Variants in TM2D1 observed in about 807,000 individuals in gnomAD.
The protein encoded by TM2D1 is TM2 domain containing 1, also known as TM2 domain-containing protein 1.
Under a neutral mutation model 28.4 loss-of-function variants are expected in TM2D1, and 15 were observed. The observed-to-expected ratio is 0.53, with a 90% CI of 0.35 to 0.81. The LOEUF (loss-of-function observed/expected upper bound fraction) is 0.81. Among genes scored for constraint, TM2D1 ranks in the 40% least tolerant of loss-of-function variants. The probability of loss-of-function intolerance (pLI) is 0.01; values close to 1 mark genes in which losing one functional copy is unlikely to be tolerated. For missense variants in TM2D1, 236 were observed against 254.9 expected, an observed-to-expected ratio of 0.93 and a Z score of 0.50; for synonymous variants, 93 against 96.2, an observed-to-expected ratio of 0.97 and a Z score of 0.20.
chr1:61,691,939 ATATATATATATATATATATATG>A (rs1557527342), intron 5 of TM2D1, among the ~76,000 whole-genome samples: 1 of 96,054 alleles, frequency 1.0e-5, no homozygotes, highest in African/African-American at 4.3e-5. Context: ...AAAAATATAT[ATATATATATATATATATATATG>A]TATATATATA....
In TM2D1 at chr1:61,709,384, T is replaced by C. The variant is rs1644461789; in HGVS notation, c.292A>G (p.Thr98Ala). 1.2e-6 allele frequency: 2 copies of C among 1,613,288 alleles called. No individual in the cohort carries two copies. Among genetic ancestry groups the C allele is most frequent in the Non-Finnish European group, 1.7e-6 (2 of 1,179,562 alleles). Residue 98 changes from threonine to alanine, a missense_variant, in exon 3 of 7, where the codon ACA becomes GCA. Physicochemically the swap from Thr to Ala is moderately conservative, Grantham distance 58. Transcript: ENST00000606498. ...ITCKDSSGNE[T>A]HFTGNEVGFF... is the part of the protein sequence containing the mutation. Reference sequence around the variant, plus strand: ...CCAACTTCGTTCCCAGTAAAATGTGTTTCATTGCCACTGGAATCCTTACAA... The same window carrying C: ...CCAACTTCGTTCCCAGTAAAATGTGCTTCATTGCCACTGGAATCCTTACAA...
chr1:61,690,235 T>C (rs1432374073), intron 5 of TM2D1, among the ~76,000 whole-genome samples: 1 of 151,866 alleles, frequency 6.6e-6, no homozygotes, highest in Non-Finnish European at 1.5e-5. Context: ...GGTGGGTGGA[T>C]CATTTGAGGT....
At chr1:61,712,701 G>A (rs1327760213) in intron 2 of TM2D1, among the ~76,000 whole-genome samples, 5 of 151,890 alleles carry the variant, frequency 3.3e-5, no homozygotes, top group African/African-American at 4.8e-5. Context: ...GTGAGCCACC[G>A]TACCCAGCCT....
intron 2 of TM2D1, among the ~76,000 whole-genome samples, chr1:61,713,877 A>G (rs1226637129): frequency 6.7e-6 from 1 of 149,624 alleles, no homozygotes. Context: ...TTAAAAACCA[A>G]ATATTTCTTT....
rs376110511 is a variant in TM2D1 at position 61,700,919 on chromosome 1, A to G, written c.439+15T>C. 201 of 1,583,482 alleles carry G rather than the reference A, an allele frequency of 1.3e-4. No individual in the cohort carries two copies. Among genetic ancestry groups the G allele is most frequent in the Admixed American group, 2.8e-4 (15 of 53,230 alleles). ...TAGGTTTCATAAGGATTTTTTTTTAATGAAACATACGCACCCAAAGCAGGG... is the reference window on the plus strand; with the variant it reads ...TAGGTTTCATAAGGATTTTTTTTTAGTGAAACATACGCACCCAAAGCAGGG... On this transcript the variant is annotated intron_variant, in intron 4 of 6. Transcript: ENST00000606498.
At chr1:61,691,932 A>AATATATATAT (rs1163953838) in intron 5 of TM2D1, among the ~76,000 whole-genome samples, 6 of 76,356 alleles carry the variant, frequency 7.9e-5, no homozygotes, top group Admixed American at 1.7e-4. Context: ...AAAAAAAAAA[A>AATATATATAT]ATATATATAT....
intron 2 of TM2D1, among the ~76,000 whole-genome samples, chr1:61,711,908 C>CTT (rs71050145): frequency 4.8e-5 from 7 of 145,202 alleles, no homozygotes; most frequent in Non-Finnish European, 7.6e-5. Context: ...ATCACTAATT[C>CTT]TTTTTTTTTT....
chr1:61,707,730 A>G (rs1644450995), intron 3 of TM2D1, among the ~76,000 whole-genome samples: 1 of 152,232 alleles, frequency 6.6e-6, no homozygotes, highest in Non-Finnish European at 1.5e-5. Flanking sequence ...CATTAACTCA[A>G]TGAGGTAGGG....
rs61770104 is a variant in TM2D1, at chr1:61,717,178, C to G, written c.238+6535G>C. Reference sequence around the variant, plus strand: ...CCTGGCTAACACGGTGAAACCCCTTCTCTACTAAAAATACAAAACAAAACA... The same window carrying G: ...CCTGGCTAACACGGTGAAACCCCTTGTCTACTAAAAATACAAAACAAAACA... On this transcript the variant is annotated intron_variant, in intron 2 of 6. Coordinates refer to ENST00000606498, the MANE Select transcript of TM2D1 (RefSeq NM_032027.3). 0.013 allele frequency among the ~76,000 whole-genome samples: 1,956 copies of G among 150,684 alleles called. 68 individuals carry two copies. The South Asian group carries it at 0.16, about 12-fold the overall frequency.
intron 4 of TM2D1, chr1:61,700,188 AGAT>A: frequency 6.5e-7 from 1 of 1,536,982 alleles, no homozygotes. Flanking sequence ...CATAAAACAA[AGAT>A]GATAACAACA....
intron 4 of TM2D1, chr1:61,697,960 T>C (rs1644375708): frequency 6.6e-6 from 1 of 152,244 alleles, no homozygotes; most frequent in South Asian, 2.1e-4. Context: ...GAAGCATCCC[T>C]AAGAAAGTGT....
chr1:61,697,557 GAC>G (rs1557529897), intron 4 of TM2D1: 1 of 151,476 alleles, frequency 6.6e-6, no homozygotes, highest in Non-Finnish European at 1.5e-5. Flanking sequence ...ACATTAAAAT[GAC>G]ATACAATGAC....
rs1300492305 is a variant in TM2D1, at chr1:61,725,097, A to T, written c.24T>A (p.Gly8=). 1 of 1,613,570 alleles carries T rather than the reference A, an allele frequency of 6.2e-7. No individual in the cohort carries two copies. The highest frequency in any genetic ancestry group is 8.5e-7 in the Non-Finnish European group (1 of 1,179,884). MAAAWPS[G]PSAPEAVTAR... is the part of the protein sequence containing the mutation. ...CCGTCACGGCCTCCGGAGCAGACGG[A>T]CCAGACGGCCAGGCGGCCGCCATCT... The change falls in exon 1 of 7, where the codon GGT becomes GGA. Residue 8 remains glycine, a synonymous_variant. Transcript: ENST00000606498.
chr1:61,719,651 C>T (rs1197845199), intron 2 of TM2D1, among the ~76,000 whole-genome samples: 1 of 152,036 alleles, frequency 6.6e-6, no homozygotes, highest in Non-Finnish European at 1.5e-5. Context: ...CGTCAGCACG[C>T]CCAGCTAATT....
chr1:61,695,231 G>C (rs1455248591), intron 4 of TM2D1, among the ~76,000 whole-genome samples: 1 of 151,744 alleles, frequency 6.6e-6, no homozygotes, highest in African/African-American at 2.4e-5. Context: ...CACTGCTCTT[G>C]TTGTAAAATT....
rs534371699 is a variant in TM2D1, at chr1:61,686,756, G to A, written c.514-3210C>T. 2.3e-5 allele frequency: 21 copies of A among 924,160 alleles called. No individual in the cohort carries two copies. The African/African-American group carries it at 3.7e-4, about 16-fold the overall frequency. 57.2% of individuals were successfully genotyped at this position (924,160 alleles called of 1,614,324 possible). Reference sequence around the variant, plus strand: ...CCAATTCTAACATCTGTCATTATGAGTATATGATTGTATTATTAATTATAA... The same window carrying A: ...CCAATTCTAACATCTGTCATTATGAATATATGATTGTATTATTAATTATAA... On this transcript the variant is annotated intron_variant, in intron 5 of 6. Transcript: ENST00000606498.
chr1:61,693,884 T>C (rs1275982056), intron 5 of TM2D1, among the ~76,000 whole-genome samples: 1 of 152,178 alleles, frequency 6.6e-6, no homozygotes, highest in Non-Finnish European at 1.5e-5. Context: ...TTGTGAAAAA[T>C]TCATCTCTTT....
At chr1:61,697,176 A>T (rs1410994546) in intron 4 of TM2D1, among the ~76,000 whole-genome samples, 1 of 152,220 alleles carries the variant, frequency 6.6e-6, no homozygotes, top group Non-Finnish European at 1.5e-5. Context: ...ATTTCTAGAA[A>T]TAGATGGACC....
chr1:61,691,130 G>A (rs1644320741), intron 5 of TM2D1, among the ~76,000 whole-genome samples: 1 of 151,968 alleles, frequency 6.6e-6, no homozygotes, highest in Non-Finnish European at 1.5e-5. Flanking sequence ...GTGGCTGTTT[G>A]TCTCCACTTA....
Sources: gnomAD v4.1 joint callset for allele counts (sites outside exome capture counted in the v4.1 genomes callset) on GRCh38, gnomAD v4.1.1 for gene constraint, MANE v1.5 for transcripts, NCBI Gene and HGNC (gene_info 2026-07-23, HGNC 2026-07-21) for gene names.